FLRT2: variants seen among roughly 807,000 people sequenced by gnomAD.
The protein encoded by FLRT2 is leucine-rich repeat transmembrane protein FLRT2.
FLRT2 carries 15 observed loss-of-function variants against 40.0 expected under a neutral mutation model. The observed-to-expected ratio is 0.38, with a 90% CI of 0.25 to 0.58. FLRT2 has a LOEUF of 0.58. FLRT2 is among the 20% of genes least tolerant of loss of function. The pLI is 0.71. For synonymous variants in FLRT2, 380 were observed against 336.8 expected (o/e 1.13, Z -1.41); for missense variants, 726 against 840.0 (o/e 0.86, Z 1.68).
At chr14:85,550,193 T>C (rs1433279431) in intron 1 of FLRT2, among the ~76,000 whole-genome samples, 1 of 152,214 alleles carries the variant, frequency 6.6e-6, no homozygotes, top group Non-Finnish European at 1.5e-5. Flanking sequence ...GAGATTTTTT[T>C]CTACTAAATT....
chr14:85,557,799 A>G (rs772372813), intron 1 of FLRT2, among the ~76,000 whole-genome samples: 3 of 152,106 alleles, frequency 2.0e-5, no homozygotes, highest in Non-Finnish European at 4.4e-5. Context: ...CTGGGCAACA[A>G]GAGTAAAACT....
rs1249912825 is a variant in FLRT2, at chr14:85,636,403, A to AAC, written c.*12907_*12908insCA. 6.7e-4 allele frequency: 88 copies of AAC among 131,038 alleles called. 1 individual carries two copies. The highest frequency in any genetic ancestry group is 2.4e-3 in the African/African-American group (85 of 34,954). The allele number at this position is 131,038 out of a possible 1,614,324, so 8.1% of individuals were successfully genotyped here. A position where few individuals can be genotyped will look rare whatever the true frequency, so the allele number is the denominator to read the frequency against. On this transcript the variant is annotated 3_prime_UTR_variant, in exon 2 of 2. Transcript: ENST00000330753. ...AAGTCACCTGCAGAAAAAAAAAAAA[A>AAC]AAAAACAAAAAACATTCTTATTAAT...
At chr14:85,547,290 T>C (rs1208244376) in intron 1 of FLRT2, among the ~76,000 whole-genome samples, 1 of 151,640 alleles carries the variant, frequency 6.6e-6, no homozygotes, top group African/African-American at 2.4e-5. Context: ...TGATGTAAAA[T>C]TTTACCAAAT....
chr14:85,581,763 G>A (rs916977387), intron 1 of FLRT2, among the ~76,000 whole-genome samples: 1 of 151,924 alleles, frequency 6.6e-6, no homozygotes, highest in African/African-American at 2.4e-5. Flanking sequence ...TTATTTATGG[G>A]GCTTATGAGA....
rs1594975538 is a variant in FLRT2 at position 85,637,160 on chromosome 14, G to A, written c.*13663G>A. ...CATGGGTACAAATGTAACTAATCAA[G>A]TGTAATTTATAAACTATAAAAAATT... On this transcript the variant is annotated 3_prime_UTR_variant, in exon 2 of 2. Coordinates refer to ENST00000330753, the MANE Select transcript of FLRT2 (RefSeq NM_013231.6). 1 of 151,984 alleles carries A rather than the reference G, an allele frequency of 6.6e-6. No individual in the cohort carries two copies. The highest frequency in any genetic ancestry group is 3.2e-3 in the Middle Eastern group (1 of 316). The allele number at this position is 151,984 out of a possible 1,614,324, so 9.4% of individuals were successfully genotyped here.
chr14:85,532,178 G>A (rs956601383), intron 1 of FLRT2, among the ~76,000 whole-genome samples: 9 of 152,194 alleles, frequency 5.9e-5, no homozygotes, highest in Non-Finnish European at 1.2e-4. Context: ...CTCTTCTGCG[G>A]GGAGAGTTGA....
At chr14:85,620,307 G>A (rs1893323411) in intron 1 of FLRT2, among the ~76,000 whole-genome samples, 1 of 151,960 alleles carries the variant, frequency 6.6e-6, no homozygotes, top group Non-Finnish European at 1.5e-5. Context: ...CATGACATAT[G>A]TTAGGTAACA....
At chr14:85,550,597 T>C (rs1284645194) in intron 1 of FLRT2, among the ~76,000 whole-genome samples, 2 of 152,210 alleles carry the variant, frequency 1.3e-5, no homozygotes, top group Non-Finnish European at 2.9e-5. Context: ...CCTAAAGTCA[T>C]GCAAAATTAT....
chr14:85,553,720 A>G (rs1195224851), intron 1 of FLRT2, among the ~76,000 whole-genome samples: 1 of 152,140 alleles, frequency 6.6e-6, no homozygotes, highest in Non-Finnish European at 1.5e-5. Flanking sequence ...AGAAAGAGAA[A>G]GGGAAAAAGA....
At chr14:85,562,482 T>C (rs1235132325) in intron 1 of FLRT2, among the ~76,000 whole-genome samples, 2 of 152,182 alleles carry the variant, frequency 1.3e-5, no homozygotes, top group East Asian at 3.9e-4. Flanking sequence ...CCTCTGAGAA[T>C]TGAGGTTTGT....
intron 1 of FLRT2, among the ~76,000 whole-genome samples, chr14:85,610,611 C>G (rs903789488): frequency 2.6e-5 from 4 of 152,186 alleles, no homozygotes; most frequent in Admixed American, 2.0e-4. Flanking sequence ...CAGTTCCTGC[C>G]AGAGCTAAGG....
In FLRT2 at chr14:85,644,088, C is replaced by G. The variant is rs944089784; in HGVS notation, c.*20591C>G. ...AGTATCATTAACACTCACACAATTC[C>G]CAGATTCAAGGTGCAGCAGTGGATA... On this transcript the variant is annotated 3_prime_UTR_variant, in exon 2 of 2. Transcript: ENST00000330753. 6.6e-6 allele frequency: 1 copy of G among 151,920 alleles called. No individual in the cohort carries two copies. Among genetic ancestry groups the G allele is most frequent in the African/African-American group, 2.4e-5 (1 of 41,380 alleles). 9.4% of individuals were successfully genotyped at this position (151,920 alleles called of 1,614,324 possible).
At chr14:85,617,722 G>A (rs529738951) in intron 1 of FLRT2, among the ~76,000 whole-genome samples, 141 of 152,284 alleles carry the variant, frequency 9.3e-4, no homozygotes, top group African/African-American at 3.2e-3. Context: ...ATAGGTGTAA[G>A]CTGCTGTTGA....
At chr14:85,537,585 T>G (rs1348854833) in intron 1 of FLRT2, among the ~76,000 whole-genome samples, 1 of 151,568 alleles carries the variant, frequency 6.6e-6, no homozygotes, top group Non-Finnish European at 1.5e-5. Context: ...ATTACGTATC[T>G]GTTTATAGTA....
chr14:85,596,187 C>A (rs890065110), intron 1 of FLRT2, among the ~76,000 whole-genome samples: 1 of 152,180 alleles, frequency 6.6e-6, no homozygotes, highest in African/African-American at 2.4e-5. Context: ...AGGAAACAGG[C>A]GCCCCTGAAC....
chr14:85,565,064 TC>T (rs1212769397), intron 1 of FLRT2, among the ~76,000 whole-genome samples: 15 of 152,184 alleles, frequency 9.9e-5, no homozygotes, highest in African/African-American at 3.6e-4. Flanking sequence ...GCCACAGAAA[TC>T]CTAAAGTGTT....
intron 1 of FLRT2, among the ~76,000 whole-genome samples, chr14:85,566,549 T>TTGTGTGTGTGTGTGTG (rs61634735): frequency 0.093 from 12,131 of 130,694 alleles, 710 homozygotes; most frequent in Admixed American, 0.16. Flanking sequence ...ACTTCCATGG[T>TTGTGTGTGTGTGTGTG]TGTGTGTGTG....
At chr14:85,575,688 T>C (rs1011373284) in intron 1 of FLRT2, among the ~76,000 whole-genome samples, 1 of 152,136 alleles carries the variant, frequency 6.6e-6, no homozygotes, top group Admixed American at 6.5e-5. Flanking sequence ...TAAAGAACAA[T>C]GGGCAGCAAT....
At chr14:85,549,283 A>T (rs1259887538) in intron 1 of FLRT2, among the ~76,000 whole-genome samples, 1 of 152,138 alleles carries the variant, frequency 6.6e-6, no homozygotes, top group Non-Finnish European at 1.5e-5. Flanking sequence ...ACACTGTAAC[A>T]CAGGGCCTCT....
Sources: allele counts gnomAD v4.1 joint callset (sites outside exome capture counted in the v4.1 genomes callset), GRCh38; gene constraint gnomAD v4.1.1; transcripts MANE v1.5; gene names NCBI Gene and HGNC (gene_info 2026-07-23, HGNC 2026-07-21).